NPC1: variants seen among roughly 807,000 people sequenced by gnomAD.
NPC1 encodes Niemann-Pick C1 protein.
Under a neutral mutation model 140.4 loss-of-function variants are expected in NPC1, and 85 were observed. The observed-to-expected ratio is 0.61, with a 90% CI of 0.51 to 0.72. The LOEUF is 0.72. NPC1 is among the 30% of genes least tolerant of loss of function. NPC1 has a pLI of 0.00. For synonymous variants in NPC1, 656 were observed against 624.8 expected (o/e 1.05, Z -0.74); for missense variants, 1,504 against 1,623.8 (o/e 0.93, Z 1.27).
intron 12 of NPC1, 47 bp from the exon 13 acceptor site, chr18:23,544,573 T>C (rs375574447): frequency 9.2e-5 from 144 of 1,563,746 alleles, no homozygotes; most frequent in Middle Eastern, 1.8e-4. Flanking sequence ...CAGGGTTGTC[T>C]GTCCCACTTG....
intron 3 of NPC1, among the ~76,000 whole-genome samples, chr18:23,512,766 A>ACAAAACAT (rs1317730465): frequency 6.6e-6 from 1 of 152,132 alleles, no homozygotes; most frequent in Non-Finnish European, 1.5e-5. Flanking sequence ...AAAAAAACAT[A>ACAAAACAT]CAACATTTAT....
At chr18:23,555,481 A>G (rs2058936771) in intron 8 of NPC1, among the ~76,000 whole-genome samples, 1 of 152,264 alleles carries the variant, frequency 6.6e-6, no homozygotes, top group Non-Finnish European at 1.5e-5. Flanking sequence ...GGAAAAAGCA[A>G]CAGACAGTCA....
chr18:23,520,403 G>T, downstream of NPC1: 1 of 1,046,098 alleles, frequency 9.6e-7, no homozygotes, highest in East Asian at 2.7e-5. Context: ...GTTAAAAGTG[G>T]AGTGAGGAAT....
intron 3 of NPC1, chr18:23,508,158 C>A: frequency 2.3e-6 from 2 of 871,008 alleles, no homozygotes; most frequent in Non-Finnish European, 3.3e-6. Flanking sequence ...GACTGTCCCT[C>A]ATGTTGATTC....
At chr18:23,541,507 G>C in intron 14 of NPC1, 74 bp from the exon 15 acceptor site, 1 of 1,590,550 alleles carries the variant, frequency 6.3e-7, no homozygotes. Flanking sequence ...ATGTTCATGT[G>C]CATGTACAGA....
chr18:23,519,132 C>A, downstream of NPC1: 2 of 1,614,136 alleles, frequency 1.2e-6, no homozygotes, highest in Non-Finnish European at 1.7e-6. Context: ...TTGCCCTGAA[C>A]GTGGTGGACA....
At chr18:23,541,742 G>A (rs2058716302) in intron 14 of NPC1, among the ~76,000 whole-genome samples, 1 of 152,092 alleles carries the variant, frequency 6.6e-6, no homozygotes, top group Non-Finnish European at 1.5e-5. Flanking sequence ...CACTAATACA[G>A]GCCATTTCTT....
Position 23,544,946 on chromosome 18 carries a change from C to CCCCCCA in NPC1, c.1947+13_1947+14insTGGGGG, listed in dbSNP as rs1555634645. The CCCCCCA allele has an allele frequency of 1.7e-5, 23 of 1,329,696 alleles. No homozygotes were observed. The highest frequency in any genetic ancestry group is 2.3e-5 in the Non-Finnish European group (22 of 943,296). 82.4% of individuals were successfully genotyped at this position (1,329,696 alleles called of 1,614,324 possible). On this transcript the variant is annotated intron_variant, in intron 12 of 24. Coordinates refer to ENST00000269228, the MANE Select transcript of NPC1 (RefSeq NM_000271.5). ...GTTAACCTCTAGAACATACACCACCCCCCCCCGGCTTACCAGAAGCCTGCG... is the reference window on the plus strand; with the variant it reads ...GTTAACCTCTAGAACATACACCACCCCCCCCACCCCCCGGCTTACCAGAAGCCTGCG...
intron 17 of NPC1, among the ~76,000 whole-genome samples, chr18:23,540,202 T>G (rs143038613): frequency 2.7e-4 from 41 of 152,184 alleles, no homozygotes; most frequent in African/African-American, 9.2e-4. Flanking sequence ...CAGGAGAGCA[T>G]CTCATAAAGT....
At position 23,543,458 on chromosome 18, in the gene NPC1, A is replaced by T. The variant is rs764846263; in HGVS notation, c.2242T>A (p.Leu748Ile). 1 of 1,584,328 alleles carries T rather than the reference A, an allele frequency of 6.3e-7. No homozygotes were observed. The highest frequency in any genetic ancestry group is 1.1e-5 in the South Asian group (1 of 90,458). ...GTAGGATTGAAAGCATAATTACCTAAGAAAAATGCTACAGTCTCAGAAAAG... is the reference window on the plus strand; with the variant it reads ...GTAGGATTGAAAGCATAATTACCTATGAAAAATGCTACAGTCTCAGAAAAG... ...SSFSETVAFFLGALSVMPAVH... is the reference protein window; with the variant it reads ...SSFSETVAFFIGALSVMPAVH... The change falls in exon 14 of 25, where the codon TTA becomes ATA. Residue 748 changes from leucine (L) to isoleucine (I), a missense_variant. By Grantham distance (5) the Leu-to-Ile change is conservative. Coordinates refer to ENST00000269228, the MANE Select transcript of NPC1 (RefSeq NM_000271.5).
At chr18:23,538,959 T>G in intron 19 of NPC1, 3 of 469,432 alleles carry the variant, frequency 6.4e-6, no homozygotes, top group South Asian at 2.1e-5. Context: ...AGCCCGGGGC[T>G]TCTATGTTTT....
intron 1 of NPC1, among the ~76,000 whole-genome samples, chr18:23,583,833 T>C (rs182092624): frequency 3.3e-4 from 51 of 152,322 alleles, no homozygotes; most frequent in Middle Eastern, 3.4e-3. Context: ...TGATTACTTA[T>C]GTTAGTAAAA....
rs1273886454 is a variant in NPC1, at chr18:23,560,311, G to A, written c.801C>T (p.Ala267=). 9 of 1,614,188 alleles carry A rather than the reference G, an allele frequency of 5.6e-6. No homozygotes were observed. Among genetic ancestry groups the A allele is most frequent in the Non-Finnish European group, 7.6e-6 (9 of 1,180,038 alleles). The change falls in exon 6 of 25, where the codon GCC becomes GCT. Residue 267 remains alanine, a synonymous_variant. Transcript: ENST00000269228. ...PAPWTILGLD[A]MYVIMWITYM... The stretch of plus-strand genomic sequence containing the variant: ...AGGTGATCCACATGATGACATACAT[G>A]GCGTCCAAGCCAAGGATCGTCCAGG...
At chr18:23,540,586 T>G in intron 16 of NPC1, 49 bp from the exon 17 acceptor site, 1 of 1,291,440 alleles carries the variant, frequency 7.7e-7, no homozygotes, top group African/African-American at 1.5e-5. Flanking sequence ...GTAAATAAGC[T>G]TACGACCAGA....
rs1555634422 is a variant in NPC1 at position 23,544,402 on chromosome 18, G to T, written c.2072C>A (p.Pro691Gln). Residue 691 changes from proline (P) to glutamine (Q), a missense_variant, in exon 13 of 25, where the codon CCG (proline) becomes CAG (glutamine). Physicochemically the swap from Pro to Gln is moderately conservative, Grantham distance 76 (BLOSUM62 -1). Coordinates refer to ENST00000269228, the MANE Select transcript of NPC1 (RefSeq NM_000271.5). ...CACTCCAACAGCCAGCACCAGGAACGGGATGACTTCAATCACAATGAGGGT... is the reference window on the plus strand; with the variant it reads ...CACTCCAACAGCCAGCACCAGGAACTGGATGACTTCAATCACAATGAGGGT... The part of the protein sequence containing the change: ...PLTLIVIEVI[P>Q]FLVLAVGVDN... 6.2e-7 allele frequency: 1 copy of T among 1,614,150 alleles called. No individual in the cohort carries two copies. The highest frequency in any genetic ancestry group is 8.5e-7 in the Non-Finnish European group (1 of 1,180,026).
chr18:23,539,959 G>A lies in NPC1; in HGVS notation c.2647C>T (p.Leu883=). The change falls in exon 18 of 25, where the codon CTG becomes TTG. Residue 883 remains leucine (L), a synonymous_variant. Transcript: ENST00000269228. ...VDYFKSISQY[L]HAGPPVYFVL... Reference sequence around the variant, plus strand: ...AAGTACACAGGCGGACCCGCATGCAGGTACTGACTGATGGATTTGAAATAA... The same window carrying A: ...AAGTACACAGGCGGACCCGCATGCAAGTACTGACTGATGGATTTGAAATAA... 6.2e-7 allele frequency: 1 copy of A among 1,614,194 alleles called. No individual in the cohort carries two copies. Among genetic ancestry groups the A allele is most frequent in the Non-Finnish European group, 8.5e-7 (1 of 1,180,034 alleles).
At chr18:23,506,887 A>G in intron 3 of NPC1, 1 of 966,702 alleles carries the variant, frequency 1.0e-6, no homozygotes, top group Non-Finnish European at 1.6e-6. Context: ...TCCTGAATAT[A>G]GATTGTGTCT....
At chr18:23,535,391 T>C in intron 22 of NPC1, 78 bp downstream of exon 22, 1 of 1,034,234 alleles carries the variant, frequency 9.7e-7, no homozygotes, top group Non-Finnish European at 1.5e-6. Context: ...TCTTTAGGGT[T>C]TACATGGAAT....
Position 23,531,984 on chromosome 18 carries a change from A to T in NPC1, c.*218T>A, listed in dbSNP as rs1171358303. The T allele has an allele frequency of 4.1e-6, 6 of 1,456,374 alleles. No homozygotes were observed. Among genetic ancestry groups the T allele is most frequent in the Non-Finnish European group, 5.4e-6 (6 of 1,111,384 alleles). 90.2% of individuals were successfully genotyped at this position (1,456,374 alleles called of 1,614,324 possible). On this transcript the variant is annotated 3_prime_UTR_variant, in exon 25 of 25. Transcript: ENST00000269228. ...GTTTCTTTCCTGAAGAGGCTGGGAGAAGTTTAGTGTCCTGTGGTTGCCTCC... is the reference window on the plus strand; with the variant it reads ...GTTTCTTTCCTGAAGAGGCTGGGAGTAGTTTAGTGTCCTGTGGTTGCCTCC...
Sources: allele counts gnomAD v4.1 joint callset (sites outside exome capture counted in the v4.1 genomes callset), GRCh38; gene constraint gnomAD v4.1.1; transcripts MANE v1.5; gene names NCBI Gene and HGNC (gene_info 2026-07-23, HGNC 2026-07-21).